Variants in TTC29 observed in about 807,000 individuals in gnomAD.
TTC29 encodes tetratricopeptide repeat domain 29, also known as tetratricopeptide repeat protein 29.
Under a neutral mutation model 58.1 loss-of-function variants are expected in TTC29, and 49 were observed. That is an observed-to-expected ratio of 0.84 (90% CI 0.67 to 1.07). The LOEUF is 1.07. TTC29 is among the 50% of genes least tolerant of loss of function. The pLI is 0.00. For synonymous variants in TTC29, 209 were observed against 196.8 expected (o/e 1.06, Z -0.52); for missense variants, 582 against 555.6 (o/e 1.05, Z -0.48).
chr4:146,835,389 A>G (rs771907689), intron 8 of TTC29, among the ~76,000 whole-genome samples: 1 of 152,190 alleles, frequency 6.6e-6, no homozygotes, highest in Non-Finnish European at 1.5e-5. Flanking sequence ...TTGTGAATTT[A>G]TAAGAGATCT....
At chr4:146,726,047 TTTTAA>T (rs1479902327) in intron 11 of TTC29, among the ~76,000 whole-genome samples, 43 of 152,250 alleles carry the variant, frequency 2.8e-4, no homozygotes, top group African/African-American at 7.7e-4. Flanking sequence ...TAATTTTTTA[TTTTAA>T]TTTTAGAGAC....
intron 11 of TTC29, among the ~76,000 whole-genome samples, chr4:146,756,006 G>C (rs1460114775): frequency 6.6e-6 from 1 of 152,142 alleles, no homozygotes; most frequent in Non-Finnish European, 1.5e-5. Context: ...TGGGTGCGGT[G>C]GCTCAAGCCT....
chr4:146,941,748 G>C (rs926040317), intron 2 of TTC29, among the ~76,000 whole-genome samples: 1 of 152,158 alleles, frequency 6.6e-6, no homozygotes, highest in Non-Finnish European at 1.5e-5. Context: ...ACAGAGCATA[G>C]AATTGACACG....
intron 11 of TTC29, among the ~76,000 whole-genome samples, chr4:146,763,396 T>C (rs895013414): frequency 2.0e-5 from 3 of 152,094 alleles, no homozygotes; most frequent in African/African-American, 7.2e-5. Flanking sequence ...TTGATGATAA[T>C]CCAGTTCCAT....
chr4:146,716,258 C>T (rs1464075524), intron 11 of TTC29, among the ~76,000 whole-genome samples: 1 of 152,066 alleles, frequency 6.6e-6, no homozygotes, highest in Non-Finnish European at 1.5e-5. Flanking sequence ...AAATTATGTG[C>T]AGTGTAATAC....
At chr4:146,728,816 T>TGTACATATAC (rs1744049285) in intron 11 of TTC29, among the ~76,000 whole-genome samples, 1 of 46,076 alleles carries the variant, frequency 2.2e-5, no homozygotes, top group Non-Finnish European at 7.2e-5. Flanking sequence ...CATATATATG[T>TGTACATATAC]GTATATATAC....
chr4:146,877,965 T>C (rs1382711557), intron 6 of TTC29, among the ~76,000 whole-genome samples: 2 of 151,990 alleles, frequency 1.3e-5, no homozygotes, highest in Non-Finnish European at 2.9e-5. Flanking sequence ...AAAGGAGAAG[T>C]GGAAGAAATC....
At chr4:146,840,515 T>C (rs539281656) in intron 8 of TTC29, among the ~76,000 whole-genome samples, 1 of 152,094 alleles carries the variant, frequency 6.6e-6, no homozygotes, top group Non-Finnish European at 1.5e-5. Flanking sequence ...GTGCTGTAAG[T>C]CTGTATAAAG....
At chr4:146,779,004 G>GAAAAAAAAAGA (rs71592470) in intron 11 of TTC29, among the ~76,000 whole-genome samples, 4 of 79,886 alleles carry the variant, frequency 5.0e-5, no homozygotes, top group Admixed American at 1.6e-4. Flanking sequence ...AAAAAAAAAA[G>GAAAAAAAAAGA]AAAAGAAAAG....
At chr4:146,853,483 A>G (rs776747710) in intron 8 of TTC29, among the ~76,000 whole-genome samples, 6 of 152,164 alleles carry the variant, frequency 3.9e-5, no homozygotes, top group Non-Finnish European at 8.8e-5. Context: ...AGGATACCCA[A>G]AAATGATTTA....
chr4:146,731,357 T>C (rs1378751319), intron 11 of TTC29, among the ~76,000 whole-genome samples: 2 of 151,920 alleles, frequency 1.3e-5, no homozygotes, highest in African/African-American at 2.4e-5. Flanking sequence ...ACCAGGGAAA[T>C]ACAGTGATTG....
chr4:146,909,462 T>A lies in TTC29; in HGVS notation c.177-213A>T, dbSNP rs538707199. ...CCAGGAGCTATCTAAACACAGTAAT[T>A]TTAATGAAATTACATTATAAACATA... On this transcript the variant is annotated intron_variant, in intron 4 of 12. Coordinates refer to ENST00000325106, the MANE Select transcript of TTC29 (RefSeq NM_031956.4). Among the ~76,000 whole-genome samples the A allele has an allele frequency of 5.7e-4, 87 of 152,296 alleles. No individual in the cohort carries two copies. Among genetic ancestry groups the A allele is most frequent in the Admixed American group, 2.8e-3 (43 of 15,298 alleles).
In TTC29 at chr4:146,792,203, G is replaced by A. The variant is rs539455540; in HGVS notation, c.1330+11254C>T. Reference sequence around the variant, plus strand: ...TATCTAGGGCTTCCATAGCTAGAGAGGAGAAGTCAATGCCTGGCCTTAAAG... The same window carrying A: ...TATCTAGGGCTTCCATAGCTAGAGAAGAGAAGTCAATGCCTGGCCTTAAAG... On this transcript the variant is annotated intron_variant, in intron 11 of 12. Coordinates refer to ENST00000325106, the MANE Select transcript of TTC29 (RefSeq NM_031956.4). Among the ~76,000 whole-genome samples, 11 of 152,302 alleles carry A rather than the reference G, an allele frequency of 7.2e-5. No individual in the cohort carries two copies. The East Asian group carries it at 1.2e-3, about 16-fold the overall frequency.
chr4:146,786,633 T>A (rs1198304516), intron 11 of TTC29, among the ~76,000 whole-genome samples: 1 of 152,180 alleles, frequency 6.6e-6, no homozygotes, highest in African/African-American at 2.4e-5. Flanking sequence ...TATTTTTACA[T>A]AGTTTGGGGG....
intron 2 of TTC29, chr4:146,944,425 A>G (rs1336795211): frequency 6.6e-6 from 1 of 152,354 alleles, no homozygotes; most frequent in Non-Finnish European, 1.5e-5. Flanking sequence ...AATGTGTCCC[A>G]TGGTGTGAGC....
At chr4:146,707,657 C>G in intron 11 of TTC29, 106 bp from the exon 12 acceptor site, 1 of 749,490 alleles carries the variant, frequency 1.3e-6, no homozygotes, top group Non-Finnish European at 2.2e-6. Context: ...TCCTTATCAC[C>G]TATAAGATAA....
At chr4:146,876,934 C>CAAAAAAAA (rs776037799) in intron 6 of TTC29, among the ~76,000 whole-genome samples, 4 of 59,190 alleles carry the variant, frequency 6.8e-5, no homozygotes, top group Non-Finnish European at 9.4e-5. Flanking sequence ...GACTCCATCT[C>CAAAAAAAA]AAAAAAAAAA....
At chr4:146,758,811 C>A (rs1472052106) in intron 11 of TTC29, among the ~76,000 whole-genome samples, 2 of 151,812 alleles carry the variant, frequency 1.3e-5, no homozygotes, top group Non-Finnish European at 2.9e-5. Flanking sequence ...ATGACACAAC[C>A]TATCAAGACC....
chr4:146,920,724 A>T (rs574882558), intron 4 of TTC29, among the ~76,000 whole-genome samples: 12 of 151,330 alleles, frequency 7.9e-5, no homozygotes, highest in Non-Finnish European at 1.6e-4. Flanking sequence ...TTTAAAAAGA[A>T]ACCAAATGAT....
Sources: allele counts gnomAD v4.1 joint callset (sites outside exome capture counted in the v4.1 genomes callset), GRCh38; gene constraint gnomAD v4.1.1; transcripts MANE v1.5; gene names NCBI Gene and HGNC (gene_info 2026-07-23, HGNC 2026-07-21).